The following MS4A6E variants were observed in gnomAD, a reference collection of about 807,000 sequenced individuals.
The protein encoded by MS4A6E is membrane-spanning 4-domains subfamily A member 6E.
A neutral mutation model predicts 13.2 loss-of-function variants in MS4A6E; 8 were observed. That is an observed-to-expected ratio of 0.60 (90% CI 0.35 to 1.09). MS4A6E has a LOEUF of 1.09. Ranked by LOEUF, MS4A6E falls within the 50% of genes least tolerant of loss-of-function variation. The probability of loss-of-function intolerance (pLI) is 0.02; values close to 1 mark genes in which losing one functional copy is unlikely to be tolerated. For missense variants in MS4A6E, 177 were observed against 171.1 expected (o/e 1.03, Z -0.19); for synonymous variants, 72 against 67.6 (o/e 1.06, Z -0.32).
At chr11:60,331,311 G>C (rs1428290807) in intron 1 of MS4A6E, among the ~76,000 whole-genome samples, 2 of 151,848 alleles carry the variant, frequency 1.3e-5, no homozygotes, top group African/African-American at 4.8e-5. Context: ...AAAATATGAG[G>C]ATAATGGAGG....
At chr11:60,346,143 C>A (rs2085255402), downstream of MS4A6E, among the ~76,000 whole-genome samples, 2 of 152,160 alleles carry the variant, frequency 1.3e-5, 1 homozygote, top group East Asian at 3.9e-4. Context: ...TCTCTGGGAG[C>A]AGTCTGATCT....
chr11:60,334,540 T>C (rs1013772871), intron 1 of MS4A6E, among the ~76,000 whole-genome samples: 2 of 152,196 alleles, frequency 1.3e-5, no homozygotes, highest in Non-Finnish European at 2.9e-5. Context: ...ATTCATCAAA[T>C]ATATGGCAAT....
intron 4 of MS4A6E, among the ~76,000 whole-genome samples, chr11:60,340,443 A>T (rs1372695281): frequency 1.3e-5 from 2 of 152,232 alleles, no homozygotes; most frequent in African/African-American, 4.8e-5. Flanking sequence ...TGGTGATTTT[A>T]AAATTCTTTT....
At chr11:60,342,179 G>GT, downstream of MS4A6E, among the ~76,000 whole-genome samples, 1 of 19,724 alleles carries the variant, frequency 5.1e-5, no homozygotes, top group African/African-American at 1.3e-4. Context: ...GTGTGTGTGT[G>GT]AGAGAGAGAG....
intron 1 of MS4A6E, among the ~76,000 whole-genome samples, chr11:60,330,248 G>A (rs948309275): frequency 1.4e-5 from 2 of 147,978 alleles, no homozygotes; most frequent in Non-Finnish European, 3.0e-5. Flanking sequence ...CTCCCATTCT[G>A]TAGGTCGCCT....
chr11:60,335,476 T>C (rs550607285), intron 2 of MS4A6E: 18 of 422,064 alleles, frequency 4.3e-5, no homozygotes, highest in African/African-American at 2.9e-4. Context: ...TCTTACCTTT[T>C]TGAGAATGGA....
intron 1 of MS4A6E, among the ~76,000 whole-genome samples, chr11:60,328,555 A>T (rs546198890): frequency 6.6e-6 from 1 of 151,194 alleles, no homozygotes; most frequent in South Asian, 2.1e-4. Flanking sequence ...ACACACACAC[A>T]CACTCATATA....
downstream of MS4A6E, among the ~76,000 whole-genome samples, chr11:60,345,757 A>G (rs1201971805): frequency 6.6e-6 from 1 of 152,222 alleles, no homozygotes; most frequent in East Asian, 1.9e-4. Context: ...TGTGGGGTGT[A>G]AATCATTTCC....
intron 1 of MS4A6E, among the ~76,000 whole-genome samples, chr11:60,327,887 T>A (rs1394915240): frequency 6.6e-6 from 1 of 151,726 alleles, no homozygotes; most frequent in Non-Finnish European, 1.5e-5. Flanking sequence ...AAAATTAGCC[T>A]GTCATGGTGG....
intron 1 of MS4A6E, among the ~76,000 whole-genome samples, chr11:60,333,738 G>C (rs2085171269): frequency 6.6e-6 from 1 of 152,206 alleles, no homozygotes; most frequent in Admixed American, 6.5e-5. Context: ...ATGCCAGGGA[G>C]ACAGTTTTGC....
rs2085125830 is a variant in MS4A6E at position 60,327,312 on chromosome 11, T to C, written c.-111T>C. 6.6e-6 allele frequency among the ~76,000 whole-genome samples: 1 copy of C among 152,220 alleles called. No individual in the cohort carries two copies. Among genetic ancestry groups the C allele is most frequent in the Middle Eastern group, 3.2e-3 (1 of 316 alleles). ...GACACAGTTTGTCCTATCTGGAAGA[T>C]GCAGCAACAAGATACCATCTTGGAA... On this transcript the variant is annotated 5_prime_UTR_variant, in exon 1 of 5. The change abolishes an upstream ATG in the 5' untranslated region. Coordinates refer to ENST00000684409, the MANE Select transcript of MS4A6E (RefSeq NM_139249.4).
intron 4 of MS4A6E, among the ~76,000 whole-genome samples, chr11:60,346,928 T>C (rs754513254): frequency 1.3e-5 from 2 of 152,136 alleles, no homozygotes; most frequent in African/African-American, 2.4e-5. Context: ...AACACCTGAG[T>C]TAAAGTTCGG....
At chr11:60,346,224 G>T (rs975028829), downstream of MS4A6E, among the ~76,000 whole-genome samples, 3 of 152,178 alleles carry the variant, frequency 2.0e-5, no homozygotes, top group Middle Eastern at 3.2e-3. Flanking sequence ...TTCTTAAAGT[G>T]CCCTGACTTG....
intron 3 of MS4A6E, among the ~76,000 whole-genome samples, chr11:60,339,119 T>G (rs2085207576): frequency 6.6e-6 from 1 of 152,208 alleles, no homozygotes; most frequent in African/African-American, 2.4e-5. Context: ...AAAGTTCATG[T>G]GATCAAATTA....
intron 2 of MS4A6E, 57 bp from the exon 3 acceptor site, chr11:60,337,684 G>T: frequency 6.3e-7 from 1 of 1,599,954 alleles, no homozygotes; most frequent in Non-Finnish European, 8.6e-7. Context: ...GGCAAAAAGG[G>T]ATAAGAGAGA....
At chr11:60,346,079 C>G (rs1189413048), downstream of MS4A6E, among the ~76,000 whole-genome samples, 1 of 152,116 alleles carries the variant, frequency 6.6e-6, no homozygotes, top group East Asian at 1.9e-4. Context: ...GCCCCAGGAA[C>G]CATCAGTCCT....
intron 4 of MS4A6E, among the ~76,000 whole-genome samples, chr11:60,347,701 A>C (rs1590779568): frequency 1.3e-5 from 2 of 151,894 alleles, no homozygotes; most frequent in African/African-American, 2.4e-5. Context: ...TGGTCCCAGC[A>C]CCTTGTTAAA....
At chr11:60,343,724 T>G (rs2085243295), downstream of MS4A6E, among the ~76,000 whole-genome samples, 1 of 152,232 alleles carries the variant, frequency 6.6e-6, no homozygotes, top group Non-Finnish European at 1.5e-5. Flanking sequence ...CTGAGTAAGA[T>G]GGGTAGCCCT....
chr11:60,334,629 T>C (rs1196914020), intron 1 of MS4A6E, among the ~76,000 whole-genome samples: 8 of 152,216 alleles, frequency 5.3e-5, no homozygotes, highest in Non-Finnish European at 1.2e-4. Flanking sequence ...CCTCTGGATA[T>C]TGGGACCTCT....
Sources: gnomAD v4.1 joint callset for allele counts (sites outside exome capture counted in the v4.1 genomes callset) on GRCh38, gnomAD v4.1.1 for gene constraint, MANE v1.5 for transcripts, NCBI Gene and HGNC (gene_info 2026-07-23, HGNC 2026-07-21) for gene names.